Variants in ROBO2 observed in about 807,000 individuals in gnomAD.
ROBO2 encodes roundabout homolog 2.
In ROBO2, 53 loss-of-function variants were observed where a neutral mutation model predicts 160.8. The observed-to-expected ratio is 0.33, with a 90% CI of 0.26 to 0.41. The LOEUF (loss-of-function observed/expected upper bound fraction) is 0.41, where lower values mean the gene tolerates loss of function less well. Among genes scored for constraint, ROBO2 ranks in the 10% least tolerant of loss-of-function variants. The pLI is 1.00. For synonymous variants in ROBO2, 664 were observed against 611.7 expected, an observed-to-expected ratio of 1.09 and a Z score of -1.26; for missense variants, 1,577 against 1,722.4, an observed-to-expected ratio of 0.92 and a Z score of 1.49.
intron 25 of ROBO2, 91 bp downstream of exon 27, chr3:77,644,995 A>G (rs2095397949): frequency 2.1e-5 from 28 of 1,319,370 alleles, no homozygotes; most frequent in Non-Finnish European, 3.0e-5. Context: ...TCAGATTAAT[A>G]GAAAACTTGC....
At chr3:76,545,563 T>C (rs1232502920) in intron 2 of ROBO2, among the ~76,000 whole-genome samples, 2 of 151,922 alleles carry the variant, frequency 1.3e-5, no homozygotes, top group Non-Finnish European at 2.9e-5. Flanking sequence ...GATTCTAACA[T>C]TGTTAATTTT....
intron 2 of ROBO2, among the ~76,000 whole-genome samples, chr3:76,713,576 T>G (rs375456344): frequency 6.6e-5 from 10 of 152,306 alleles, no homozygotes; most frequent in African/African-American, 2.4e-4. Flanking sequence ...AACTTACTTT[T>G]GACTAACTAG....
intron 2 of ROBO2, among the ~76,000 whole-genome samples, chr3:77,154,779 AC>A (rs1203755848): frequency 2.0e-5 from 3 of 151,932 alleles, no homozygotes; most frequent in Admixed American, 1.3e-4. Flanking sequence ...AAAACCAAAT[AC>A]TCCATGTTCT....
chr3:77,312,102 T>A (rs754075265), intron 2 of ROBO2, among the ~76,000 whole-genome samples: 1 of 151,404 alleles, frequency 6.6e-6, no homozygotes, highest in Admixed American at 6.6e-5. Context: ...GAAAAAAAAA[T>A]GATTCAGAAA....
At chr3:77,453,209 G>T (rs979368719) in intron 2 of ROBO2, among the ~76,000 whole-genome samples, 1 of 151,990 alleles carries the variant, frequency 6.6e-6, no homozygotes, top group Non-Finnish European at 1.5e-5. Flanking sequence ...ATAAAAATAG[G>T]ATATCTTCTC....
At chr3:76,884,528 T>A (rs2073688174) in intron 2 of ROBO2, among the ~76,000 whole-genome samples, 1 of 152,144 alleles carries the variant, frequency 6.6e-6, no homozygotes, top group Non-Finnish European at 1.5e-5. Context: ...GTATGTCAAA[T>A]CAGAATTCAC....
intron 2 of ROBO2, among the ~76,000 whole-genome samples, chr3:76,187,317 C>G (rs1701811453): frequency 6.6e-6 from 1 of 152,030 alleles, no homozygotes; most frequent in Admixed American, 6.6e-5. Context: ...GTCTGTTGCC[C>G]AGGCTGGAGT....
intron 2 of ROBO2, among the ~76,000 whole-genome samples, chr3:76,577,913 T>G (rs1017383692): frequency 5.3e-5 from 8 of 152,164 alleles, no homozygotes; most frequent in Non-Finnish European, 1.0e-4. Flanking sequence ...CCAGTCCCTC[T>G]ACATATGTTT....
At chr3:76,761,584 T>C (rs943201598) in intron 2 of ROBO2, among the ~76,000 whole-genome samples, 1 of 151,788 alleles carries the variant, frequency 6.6e-6, no homozygotes, top group African/African-American at 2.4e-5. Flanking sequence ...AAATATTATA[T>C]ACTGTCTTTT....
chr3:76,934,742 A>AAAAACT (rs2077578706), intron 2 of ROBO2, among the ~76,000 whole-genome samples: 1 of 151,976 alleles, frequency 6.6e-6, no homozygotes, highest in Non-Finnish European at 1.5e-5. Context: ...ACTCCATCTC[A>AAAAACT]AAAACAAAAA....
At chr3:76,058,240 C>T (rs954065273) in intron 2 of ROBO2, among the ~76,000 whole-genome samples, 1 of 152,096 alleles carries the variant, frequency 6.6e-6, no homozygotes, top group African/African-American at 2.4e-5. Flanking sequence ...GCTCCTAATA[C>T]TGTCCCTCCC....
intron 2 of ROBO2, among the ~76,000 whole-genome samples, chr3:76,321,255 C>A (rs2072499049): frequency 6.6e-6 from 1 of 152,132 alleles, no homozygotes; most frequent in African/African-American, 2.4e-5. Flanking sequence ...TGGTGGCTCA[C>A]ACCTGTAATC....
chr3:76,888,093 C>T (rs926043264), intron 2 of ROBO2, among the ~76,000 whole-genome samples: 2 of 152,154 alleles, frequency 1.3e-5, no homozygotes, highest in African/African-American at 2.4e-5. Flanking sequence ...TTGAGCCGGG[C>T]ACAGTGGCTC....
intron 2 of ROBO2, among the ~76,000 whole-genome samples, chr3:76,694,892 T>A (rs1295327115): frequency 6.6e-6 from 1 of 152,102 alleles, no homozygotes; most frequent in Non-Finnish European, 1.5e-5. Flanking sequence ...TCACCTGAGG[T>A]CAGGAGTTCA....
In ROBO2 at chr3:77,557,865, C is replaced by T. The variant is rs183434205; in HGVS notation, c.1232-79C>T. ...AATATATATTGTGTTGGGGCTTTAACCTTACTTTCAGTGTCAATATATCAA... is the reference window on the plus strand; with the variant it reads ...AATATATATTGTGTTGGGGCTTTAATCTTACTTTCAGTGTCAATATATCAA... On this transcript the variant is annotated intron_variant, in intron 8 of 25. Coordinates refer to ENST00000461745, the Ensembl canonical transcript of ROBO2. The T allele has an allele frequency of 1.6e-4, 178 of 1,121,888 alleles. No homozygotes were observed. In the African/African-American group the frequency reaches 2.6e-3, roughly 17 times the overall value. 69.5% of individuals were successfully genotyped at this position (1,121,888 alleles called of 1,614,324 possible).
chr3:77,088,145 G>A lies in ROBO2; in HGVS notation c.62-9869G>A, dbSNP rs921954017. The stretch of plus-strand genomic sequence containing the variant: ...TAAAGGCACTGAATAACATGCGGTA[G>A]TGGAGGAAAAAACAGGGGAAAAAGT... On this transcript the variant is annotated intron_variant, in intron 1 of 25. Transcript: ENST00000461745. Among the ~76,000 whole-genome samples the A allele has an allele frequency of 2.0e-5, 3 of 152,156 alleles. No homozygotes were observed. In the East Asian group the frequency reaches 5.8e-4, roughly 29 times the overall value.
At chr3:77,458,854 T>G (rs1165088292) in intron 2 of ROBO2, among the ~76,000 whole-genome samples, 1 of 152,176 alleles carries the variant, frequency 6.6e-6, no homozygotes, top group Non-Finnish European at 1.5e-5. Context: ...TCACAATATT[T>G]TTAAAGTATA....
At chr3:77,110,320 G>A (rs1247177504) in intron 2 of ROBO2, among the ~76,000 whole-genome samples, 1 of 151,996 alleles carries the variant, frequency 6.6e-6, no homozygotes, top group Non-Finnish European at 1.5e-5. Context: ...ACTTTCTGGA[G>A]TTTTTTGAGT....
chr3:76,157,878 G>A (rs1350434719), intron 2 of ROBO2, among the ~76,000 whole-genome samples: 1 of 151,554 alleles, frequency 6.6e-6, no homozygotes, highest in Non-Finnish European at 1.5e-5. Flanking sequence ...GTACCAGAAT[G>A]TTCACATCTT....
Sources: allele counts gnomAD v4.1 joint callset (sites outside exome capture counted in the v4.1 genomes callset), GRCh38; gene constraint gnomAD v4.1.1; transcripts MANE v1.5; gene names NCBI Gene and HGNC (gene_info 2026-07-23, HGNC 2026-07-21).